TDRD3: variants seen among roughly 807,000 people sequenced by gnomAD.
TDRD3 encodes the protein tudor domain containing 3.
In TDRD3, 45 loss-of-function variants were observed where a neutral mutation model predicts 86.7. The ratio of observed to expected loss-of-function variants is 0.52; its 90% CI spans 0.41 to 0.67. The LOEUF is 0.67. Ranked by LOEUF, TDRD3 falls within the 30% of genes least tolerant of loss-of-function variation. The pLI is 0.00. For missense variants in TDRD3, 814 were observed against 889.0 expected, an observed-to-expected ratio of 0.92 and a Z score of 1.07; for synonymous variants, 298 against 301.7, an observed-to-expected ratio of 0.99 and a Z score of 0.13.
Position 60,460,484 on chromosome 13 carries a change from G to T in TDRD3, c.297G>T (p.Met99Ile). Residue 99 changes from methionine (M) to isoleucine (I), a missense_variant, in exon 4 of 14, where the codon ATG becomes ATT. Coordinates refer to ENST00000377881, the MANE Select transcript of TDRD3 (RefSeq NM_001146070.2). ...CACCAAGGATGCTGCGATTACAGAT[G>T]ACTGATGGTCATATAAGTTGCACAG... Reference protein sequence around the residue: ...QAAPRMLRLQMTDGHISCTAV... With the variant: ...QAAPRMLRLQITDGHISCTAV... 2 of 1,587,358 alleles carry T rather than the reference G, an allele frequency of 1.3e-6. No individual in the cohort carries two copies. Among genetic ancestry groups the T allele is most frequent in the South Asian group, 2.3e-5 (2 of 85,478 alleles).
intron 13 of TDRD3, among the ~76,000 whole-genome samples, chr13:60,570,184 C>T (rs957364490): frequency 3.7e-4 from 57 of 152,058 alleles, no homozygotes; most frequent in African/African-American, 1.3e-3. Flanking sequence ...CGCTTAATAA[C>T]CAGAATATAT....
intron 1 of TDRD3, among the ~76,000 whole-genome samples, chr13:60,424,256 C>CGTGATCCACCCACCTCTCCTGACCTT (rs1954740019): frequency 6.6e-6 from 1 of 151,926 alleles, no homozygotes; most frequent in Non-Finnish European, 1.5e-5. Context: ...CTCCTGACCT[C>CGTGATCCACCCACCTCTCCTGACCTT]GTGATCCACC....
At chr13:60,399,445 T>C (rs1180211020) in intron 1 of TDRD3, among the ~76,000 whole-genome samples, 1 of 152,222 alleles carries the variant, frequency 6.6e-6, no homozygotes, top group Non-Finnish European at 1.5e-5. Context: ...GTGAGTTTCA[T>C]GTAATTCCTG....
intron 12 of TDRD3, among the ~76,000 whole-genome samples, chr13:60,565,015 G>A (rs1595128218): frequency 6.9e-6 from 1 of 144,016 alleles, no homozygotes; most frequent in East Asian, 2.1e-4. Flanking sequence ...TGACAATACT[G>A]GAACTGAAAA....
At chr13:60,516,753 C>T (rs1331222740) in intron 10 of TDRD3, among the ~76,000 whole-genome samples, 2 of 152,194 alleles carry the variant, frequency 1.3e-5, no homozygotes, top group African/African-American at 2.4e-5. Context: ...GCAGATGCAA[C>T]AGCATCCTCC....
At chr13:60,396,132 TC>T (rs1953894329), upstream of TDRD3, among the ~76,000 whole-genome samples, 1 of 152,192 alleles carries the variant, frequency 6.6e-6, no homozygotes, top group Non-Finnish European at 1.5e-5. Context: ...TTCCGCAGTC[TC>T]TGCTCCAAGT....
intron 4 of TDRD3, 88 bp from the exon 5 acceptor site, chr13:60,467,150 T>C: frequency 6.7e-7 from 1 of 1,495,456 alleles, no homozygotes; most frequent in South Asian, 1.3e-5. Context: ...CCCCACTGCC[T>C]GACAGGCCCC....
At chr13:60,463,486 G>A (rs911337988) in intron 4 of TDRD3, among the ~76,000 whole-genome samples, 7 of 151,778 alleles carry the variant, frequency 4.6e-5, no homozygotes, top group Non-Finnish European at 8.8e-5. Flanking sequence ...AAAAACATAG[G>A]CAACATAAGT....
intron 12 of TDRD3, among the ~76,000 whole-genome samples, chr13:60,543,092 G>C (rs1256813666): frequency 6.6e-6 from 1 of 152,140 alleles, no homozygotes; most frequent in Non-Finnish European, 1.5e-5. Flanking sequence ...TCTTTTAGTA[G>C]CCTGTCATTG....
chr13:60,514,578 G>C (rs746010147), intron 10 of TDRD3, among the ~76,000 whole-genome samples: 1 of 152,148 alleles, frequency 6.6e-6, no homozygotes. Flanking sequence ...ATCTAGTTAA[G>C]ACTGAGGGGA....
chr13:60,564,581 C>T (rs1181861534), intron 12 of TDRD3, among the ~76,000 whole-genome samples: 2 of 152,130 alleles, frequency 1.3e-5, no homozygotes, highest in African/African-American at 4.8e-5. Flanking sequence ...AGCTCTGTGA[C>T]TTGGGAAAAT....
At chr13:60,399,477 C>CCT (rs1954036196) in intron 1 of TDRD3, among the ~76,000 whole-genome samples, 1 of 152,186 alleles carries the variant, frequency 6.6e-6, no homozygotes, top group Non-Finnish European at 1.5e-5. Context: ...ACAGACTAGG[C>CCT]ATGAGGATCT....
chr13:60,544,368 C>G (rs960603526), intron 12 of TDRD3, among the ~76,000 whole-genome samples: 1 of 150,136 alleles, frequency 6.7e-6, no homozygotes, highest in Admixed American at 6.7e-5. Flanking sequence ...TGCCTGAGCT[C>G]AGGACTTCAA....
rs143915504 is a variant in TDRD3, at chr13:60,554,007, G to A, written c.2119-13518G>A. Among the ~76,000 whole-genome samples the A allele has an allele frequency of 1.2e-3, 180 of 152,318 alleles. 1 individual carries two copies. The highest frequency in any genetic ancestry group is 4.2e-3 in the African/African-American group (174 of 41,576). ...TTAAGATAACAATATTGGTTGCAAA[G>A]TTATAAAGATTTCAGGTTTTTCTTT... On this transcript the variant is annotated intron_variant, in intron 12 of 13. Coordinates refer to ENST00000377881, the MANE Select transcript of TDRD3 (RefSeq NM_001146070.2).
chr13:60,507,982 T>C (rs1042467848), intron 8 of TDRD3, among the ~76,000 whole-genome samples: 1 of 152,130 alleles, frequency 6.6e-6, no homozygotes, highest in African/African-American at 2.4e-5. Flanking sequence ...ACTGGTCATA[T>C]ACAAACAGAG....
chr13:60,564,838 T>A (rs1005314640), intron 12 of TDRD3, among the ~76,000 whole-genome samples: 3 of 152,166 alleles, frequency 2.0e-5, no homozygotes, highest in Non-Finnish European at 4.4e-5. Context: ...AATAAACTGA[T>A]CTATTAAATC....
At chr13:60,434,229 G>A (rs9538698) in intron 1 of TDRD3, 20,842 of 152,146 alleles carry the variant, frequency 0.14, 1,499 homozygotes, top group East Asian at 0.19. Flanking sequence ...TAGCACTTTG[G>A]GAGGCCGAGG....
chr13:60,481,871 T>G (rs1184198100), intron 5 of TDRD3, among the ~76,000 whole-genome samples: 1 of 152,190 alleles, frequency 6.6e-6, no homozygotes, highest in Non-Finnish European at 1.5e-5. Context: ...AGTATAAGAA[T>G]TAGCTTTGGT....
At chr13:60,424,743 A>C (rs530930855) in intron 1 of TDRD3, among the ~76,000 whole-genome samples, 46 of 152,340 alleles carry the variant, frequency 3.0e-4, no homozygotes, top group African/African-American at 1.1e-3. Flanking sequence ...ATTTGTAATC[A>C]TCACTACTAT....
Sources: allele counts gnomAD v4.1 joint callset (sites outside exome capture counted in the v4.1 genomes callset), GRCh38; gene constraint gnomAD v4.1.1; transcripts MANE v1.5; gene names NCBI Gene and HGNC (gene_info 2026-07-23, HGNC 2026-07-21).